Variants in TLK1 observed in about 807,000 individuals in gnomAD.
TLK1 encodes the protein serine/threonine-protein kinase tousled-like 1.
In TLK1, 24 loss-of-function variants were observed where a neutral mutation model predicts 105.3. The observed-to-expected ratio is 0.23, with a 90% confidence interval of 0.17 to 0.32. The LOEUF is 0.32. TLK1 is among the 10% of genes least tolerant of loss of function. The pLI is 1.00. For synonymous variants in TLK1, 321 were observed against 310.4 expected (o/e 1.03, Z -0.36); for missense variants, 558 against 910.5 (o/e 0.61, Z 4.98).
At chr2:171,095,086 A>G (rs923034625) in intron 2 of TLK1, among the ~76,000 whole-genome samples, 5 of 152,226 alleles carry the variant, frequency 3.3e-5, no homozygotes, top group African/African-American at 9.6e-5. Context: ...AGATGAATGA[A>G]AACAAAAACA....
chr2:171,010,639 AAG>A lies in TLK1; in HGVS notation c.1416+732_1416+733del, dbSNP rs1553604289. Among the ~76,000 whole-genome samples the A allele has an allele frequency of 5.7e-4, 87 of 151,944 alleles. 3 individuals are homozygous for A. The highest frequency in any genetic ancestry group is 1.4e-3 in the Admixed American group (21 of 15,272). ...AACATAAAGTACAAAAAAAAAAAAA[AAG>A]AAAGGCATAAAATAGTGAACATGGG... On this transcript the variant is annotated intron_variant, in intron 14 of 20. Transcript: ENST00000431350.
At chr2:171,026,023 C>T (rs908064077) in intron 12 of TLK1, among the ~76,000 whole-genome samples, 1 of 152,040 alleles carries the variant, frequency 6.6e-6, no homozygotes, top group Admixed American at 6.6e-5. Context: ...ACTGTTAATC[C>T]ATTTCCCCAA....
intron 1 of TLK1, among the ~76,000 whole-genome samples, chr2:171,195,814 C>T (rs1335106690): frequency 6.6e-6 from 1 of 151,846 alleles, no homozygotes; most frequent in Admixed American, 6.6e-5. Context: ...TTTGGGAGGT[C>T]GAGGCTGGCA....
At chr2:171,189,571 C>A (rs1197403981) in intron 1 of TLK1, among the ~76,000 whole-genome samples, 1 of 152,058 alleles carries the variant, frequency 6.6e-6, no homozygotes, top group Non-Finnish European at 1.5e-5. Context: ...GTTCAAAGTC[C>A]CACAGGGTGG....
intron 1 of TLK1, among the ~76,000 whole-genome samples, chr2:171,124,499 G>C (rs1690789699): frequency 6.6e-6 from 1 of 152,192 alleles, no homozygotes; most frequent in Non-Finnish European, 1.5e-5. Flanking sequence ...CAGGATATTT[G>C]TCCTGTTTCT....
rs796696409 is a variant in TLK1, at chr2:170,991,024, G to T, written c.*2756C>A. 6.2e-4 allele frequency: 94 copies of T among 151,586 alleles called. No homozygotes were observed. Among genetic ancestry groups the T allele is most frequent in the African/African-American group, 2.2e-3 (91 of 41,332 alleles). 9.4% of individuals were successfully genotyped at this position (151,586 alleles called of 1,614,324 possible). A position where few individuals can be genotyped will look rare whatever the true frequency, so the allele number is the denominator to read the frequency against. Reference sequence around the variant, plus strand: ...AGTGTTTAAAAAAAAAAAAAAGATTGAGTCTTTATTTTTGAAAAACCACCA... The same window carrying T: ...AGTGTTTAAAAAAAAAAAAAAGATTTAGTCTTTATTTTTGAAAAACCACCA... On this transcript the variant is annotated 3_prime_UTR_variant, in exon 21 of 21. Coordinates refer to ENST00000431350, the MANE Select transcript of TLK1 (RefSeq NM_012290.5).
At chr2:171,165,540 T>C (rs1404114698), upstream of TLK1, among the ~76,000 whole-genome samples, 1 of 142,382 alleles carries the variant, frequency 7.0e-6, no homozygotes, top group Non-Finnish European at 1.5e-5. Flanking sequence ...AAAATGCATT[T>C]TATACTCTTA....
At chr2:171,205,832 T>C (rs1208673347) in intron 1 of TLK1, among the ~76,000 whole-genome samples, 1 of 152,250 alleles carries the variant, frequency 6.6e-6, no homozygotes, top group Non-Finnish European at 1.5e-5. Context: ...AAATAAAGGT[T>C]TCCTCTGTAA....
intron 2 of TLK1, among the ~76,000 whole-genome samples, chr2:171,112,145 T>C (rs1398536932): frequency 6.6e-6 from 1 of 151,888 alleles, no homozygotes; most frequent in Non-Finnish European, 1.5e-5. Flanking sequence ...AGAGACAGGG[T>C]TTCACCATAT....
At chr2:171,035,536 G>A (rs1032546172) in intron 11 of TLK1, among the ~76,000 whole-genome samples, 5 of 152,138 alleles carry the variant, frequency 3.3e-5, no homozygotes, top group Admixed American at 3.3e-4. Flanking sequence ...CAGCGTGAAA[G>A]CAAACTAATA....
intron 3 of TLK1, among the ~76,000 whole-genome samples, chr2:171,074,080 G>A (rs910733041): frequency 4.6e-5 from 7 of 151,882 alleles, no homozygotes; most frequent in African/African-American, 1.7e-4. Context: ...TAGTAGAGAT[G>A]GGGTTCCACC....
chr2:171,076,885 G>A (rs1192927898), intron 3 of TLK1, among the ~76,000 whole-genome samples: 1 of 151,926 alleles, frequency 6.6e-6, no homozygotes, highest in Non-Finnish European at 1.5e-5. Flanking sequence ...CTGCACTCCA[G>A]CCTAGGCAAC....
intron 12 of TLK1, among the ~76,000 whole-genome samples, chr2:171,017,178 C>T (rs1685250183): frequency 6.6e-6 from 1 of 152,118 alleles, no homozygotes; most frequent in African/African-American, 2.4e-5. Context: ...AGATAAGAAA[C>T]TTGCCTACAG....
intron 18 of TLK1, among the ~76,000 whole-genome samples, chr2:171,004,209 C>A (rs966799825): frequency 6.6e-6 from 1 of 152,108 alleles, no homozygotes; most frequent in Non-Finnish European, 1.5e-5. Flanking sequence ...GTGATCCGCC[C>A]GCCTCAGCCT....
At chr2:171,218,793 G>C (rs561438191) in intron 1 of TLK1, among the ~76,000 whole-genome samples, 1 of 152,222 alleles carries the variant, frequency 6.6e-6, no homozygotes, top group East Asian at 1.9e-4. Context: ...CATGACAGAG[G>C]AGTCCTCATT....
At chr2:171,181,549 A>T (rs1403286195) in intron 1 of TLK1, among the ~76,000 whole-genome samples, 1 of 152,216 alleles carries the variant, frequency 6.6e-6, no homozygotes, top group African/African-American at 2.4e-5. Context: ...TGGTGTCAGC[A>T]TCTGCTTCTG....
At chr2:171,040,840 G>C (rs1217074305) in intron 11 of TLK1, among the ~76,000 whole-genome samples, 1 of 152,012 alleles carries the variant, frequency 6.6e-6, no homozygotes, top group African/African-American at 2.4e-5. Flanking sequence ...GCCTCCCAAA[G>C]TGCTGGGATT....
chr2:171,016,104 C>T (rs567568987), intron 12 of TLK1, among the ~76,000 whole-genome samples: 1 of 151,902 alleles, frequency 6.6e-6, no homozygotes, highest in Admixed American at 6.6e-5. Flanking sequence ...CGCCACCCGC[C>T]GTCAATAAAA....
intron 6 of TLK1, among the ~76,000 whole-genome samples, chr2:171,055,808 AAAC>A (rs141898977): frequency 0.042 from 6,356 of 152,148 alleles, 392 homozygotes; most frequent in African/African-American, 0.13. Flanking sequence ...CAAGACATAA[AAAC>A]AAGATGTTTG....
Sources: gnomAD v4.1 joint callset for allele counts (sites outside exome capture counted in the v4.1 genomes callset) on GRCh38, gnomAD v4.1.1 for gene constraint, MANE v1.5 for transcripts, NCBI Gene and HGNC (gene_info 2026-07-23, HGNC 2026-07-21) for gene names.